Variants in RIMS1 observed in about 807,000 individuals in gnomAD.
RIMS1 encodes the protein regulating synaptic membrane exocytosis protein 1.
In RIMS1, 83 loss-of-function variants were observed where a neutral mutation model predicts 214.1. The observed-to-expected ratio is 0.39, with a 90% CI of 0.32 to 0.47. RIMS1 has a LOEUF of 0.47. Ranked by LOEUF, RIMS1 falls within the 20% of genes least tolerant of loss-of-function variation. The probability of loss-of-function intolerance (pLI) is 0.99; values close to 1 mark genes in which losing one functional copy is unlikely to be tolerated. For synonymous variants in RIMS1, 793 were observed against 786.8 expected, an observed-to-expected ratio of 1.01 and a Z score of -0.13; for missense variants, 2,050 against 2,161.8, an observed-to-expected ratio of 0.95 and a Z score of 1.03.
chr6:72,297,446 A>G (rs1051000214), intron 26 of RIMS1, among the ~76,000 whole-genome samples: 1 of 152,022 alleles, frequency 6.6e-6, no homozygotes, highest in African/African-American at 2.4e-5. Context: ...AGCCCTTTCC[A>G]TATATATTAC....
chr6:72,050,744 G>A (rs1208090627), intron 2 of RIMS1, among the ~76,000 whole-genome samples: 1 of 152,152 alleles, frequency 6.6e-6, no homozygotes, highest in Non-Finnish European at 1.5e-5. Context: ...TTTGTGGGGT[G>A]TATATCCAAA....
intron 6 of RIMS1, chr6:72,216,353 C>A: frequency 5.0e-6 from 3 of 601,648 alleles, no homozygotes; most frequent in Non-Finnish European, 6.3e-6. Flanking sequence ...GCCACCTTCT[C>A]CTGTCCCCAG....
rs1447760858 is a variant in RIMS1 at position 72,400,536 on chromosome 6, G to A, written c.4901G>A (p.Cys1634Tyr). The A allele has an allele frequency of 6.2e-7, 1 of 1,613,890 alleles. No homozygotes were observed. Among genetic ancestry groups the A allele is most frequent in the African/African-American group, 1.3e-5 (1 of 74,912 alleles). The part of the protein sequence containing the change: ...WGDYGRMDHK[C>Y]FMGVAQILLE... ...GACTATGGCAGAATGGACCACAAAT[G>A]CTTTATGGGTGTGGCTCAGATCTTG... Residue 1634 changes from cysteine (C) to tyrosine (Y), a missense_variant, in exon 34 of 34, where the codon TGC (cysteine) becomes TAC (tyrosine). Cys to Tyr is a radical substitution (Grantham distance 194, BLOSUM62 -2). Transcript: ENST00000521978.
At chr6:72,284,306 C>T (rs755911185) in intron 24 of RIMS1, among the ~76,000 whole-genome samples, 188 bp downstream of exon 24, 1 of 152,178 alleles carries the variant, frequency 6.6e-6, no homozygotes, top group Middle Eastern at 3.4e-3. Context: ...AATTTCAAGG[C>T]GGTTCTTAAA....
intron 2 of RIMS1, among the ~76,000 whole-genome samples, chr6:72,006,947 G>A (rs929454488): frequency 6.6e-6 from 1 of 152,190 alleles, no homozygotes; most frequent in South Asian, 2.1e-4. Context: ...AGACTTAAAT[G>A]TCCCTGTCTG....
At chr6:72,399,150 C>A in intron 33 of RIMS1, 56 bp downstream of exon 33, 3 of 1,392,732 alleles carry the variant, frequency 2.2e-6, no homozygotes, top group South Asian at 1.8e-5. Flanking sequence ...ACCCATACAT[C>A]GAAGAGATGG....
At chr6:71,947,867 A>G (rs568922379) in intron 1 of RIMS1, among the ~76,000 whole-genome samples, 1 of 152,252 alleles carries the variant, frequency 6.6e-6, no homozygotes, top group African/African-American at 2.4e-5. Flanking sequence ...TATATATTAT[A>G]TATGAATGTA....
intron 26 of RIMS1, among the ~76,000 whole-genome samples, chr6:72,304,061 A>T (rs2154277010): frequency 6.6e-6 from 1 of 151,776 alleles, no homozygotes; most frequent in African/African-American, 2.4e-5. Context: ...GTAAAAAATG[A>T]AAGTTATTAT....
intron 2 of RIMS1, among the ~76,000 whole-genome samples, chr6:72,076,443 TGGACA>T (rs1831905235): frequency 6.6e-6 from 1 of 152,190 alleles, no homozygotes; most frequent in African/African-American, 2.4e-5. Flanking sequence ...AAGTATTATA[TGGACA>T]CTCATCCCAC....
At chr6:72,096,475 T>C (rs2031745287) in intron 2 of RIMS1, among the ~76,000 whole-genome samples, 1 of 152,218 alleles carries the variant, frequency 6.6e-6, no homozygotes, top group Admixed American at 6.5e-5. Flanking sequence ...AATCAATTTA[T>C]TGTGACAAAC....
chr6:72,025,043 A>G (rs1274076804), intron 2 of RIMS1, among the ~76,000 whole-genome samples: 1 of 151,620 alleles, frequency 6.6e-6, no homozygotes, highest in Non-Finnish European at 1.5e-5. Flanking sequence ...AGCTGGGACT[A>G]CAGGCTTCTG....
intron 4 of RIMS1, among the ~76,000 whole-genome samples, chr6:72,126,975 A>C (rs917136894): frequency 5.9e-5 from 9 of 152,194 alleles, no homozygotes; most frequent in African/African-American, 2.2e-4. Context: ...ATACACGCAC[A>C]TGCATAATTT....
chr6:72,211,567 A>G (rs1221868882), intron 6 of RIMS1, among the ~76,000 whole-genome samples: 6 of 152,176 alleles, frequency 3.9e-5, no homozygotes, highest in Admixed American at 6.5e-5. Flanking sequence ...CATTTTTCAT[A>G]TAGTACTTCA....
chr6:71,890,459 G>A (rs1319845718), intron 1 of RIMS1, among the ~76,000 whole-genome samples: 6 of 75,342 alleles, frequency 8.0e-5, no homozygotes, highest in African/African-American at 3.6e-4. Flanking sequence ...ACTCCTTCAA[G>A]TAACTGTTAC....
Position 72,069,410 on chromosome 6 carries a change from G to A in RIMS1, c.246-27539G>A, listed in dbSNP as rs80029848. Among the ~76,000 whole-genome samples, 1,344 of 152,320 alleles carry A rather than the reference G, an allele frequency of 8.8e-3. 15 individuals are homozygous for A. The highest frequency in any genetic ancestry group is 0.031 in the African/African-American group (1,279 of 41,568). Reference sequence around the variant, plus strand: ...ATAGAAGTCTCTGGTGGTTTGTTGAGCCTGTAAGGGCAAATTCAACAATGT... The same window carrying A: ...ATAGAAGTCTCTGGTGGTTTGTTGAACCTGTAAGGGCAAATTCAACAATGT... On this transcript the variant is annotated intron_variant, in intron 2 of 33. Transcript: ENST00000521978.
chr6:72,350,813 A>G (rs899143286), intron 29 of RIMS1, among the ~76,000 whole-genome samples: 3 of 152,154 alleles, frequency 2.0e-5, no homozygotes, highest in African/African-American at 7.2e-5. Context: ...AGCTTTTACA[A>G]AGCCCTTTCA....
chr6:72,316,629 A>G (rs1421533054), intron 28 of RIMS1: 9 of 486,220 alleles, frequency 1.9e-5, no homozygotes, highest in South Asian at 1.2e-4. Context: ...ACCAGCCTGG[A>G]GCAGGAGCCA....
rs1051481640 is a variant in RIMS1 at position 72,076,337 on chromosome 6, T to G, written c.246-20612T>G. Among the ~76,000 whole-genome samples, 4 of 152,322 alleles carry G rather than the reference T, an allele frequency of 2.6e-5. No individual in the cohort carries two copies. The East Asian group carries it at 5.8e-4, about 22-fold the overall frequency. On this transcript the variant is annotated intron_variant, in intron 2 of 33. Coordinates refer to ENST00000521978, the MANE Select transcript of RIMS1 (RefSeq NM_014989.7). ...TGATAAAGGTGCCCATCAATTTTGT[T>G]CCCTGCCAAGGGCCATCTTCCTGGC...
chr6:72,126,761 TAAAA>T (rs71540329), intron 4 of RIMS1: 298 of 124,424 alleles, frequency 2.4e-3, no homozygotes, highest in South Asian at 6.4e-3. Flanking sequence ...ATTAAAAAGT[TAAAA>T]AAAAAAAAAA....
Sources: gnomAD v4.1 joint callset for allele counts (sites outside exome capture counted in the v4.1 genomes callset) on GRCh38, gnomAD v4.1.1 for gene constraint, MANE v1.5 for transcripts, NCBI Gene and HGNC (gene_info 2026-07-23, HGNC 2026-07-21) for gene names.